The following SCN3A variants were observed in gnomAD, a reference collection of about 807,000 sequenced individuals.
SCN3A encodes the protein sodium voltage-gated channel alpha subunit 3, also known as sodium channel protein type 3 subunit alpha.
SCN3A carries 60 observed loss-of-function variants against 187.6 expected under a neutral mutation model. The ratio of observed to expected loss-of-function variants is 0.32; its 90% confidence interval spans 0.26 to 0.40. SCN3A has a LOEUF of 0.40. Ranked by LOEUF, SCN3A falls within the 10% of genes least tolerant of loss-of-function variation. The pLI is 1.00. For synonymous variants in SCN3A, 788 were observed against 829.2 expected (o/e 0.95, Z 0.85); for missense variants, 1,601 against 2,428.2 (o/e 0.66, Z 7.16).
intron 18 of SCN3A, among the ~76,000 whole-genome samples, chr2:165,126,600 GTTCC>G (rs59251454): frequency 2.3e-5 from 2 of 86,692 alleles, no homozygotes; most frequent in Non-Finnish European, 4.3e-5. Context: ...CCCTCCCTTC[GTTCC>G]TTCCTTCCTT....
At chr2:165,121,867 C>T (rs572423401) in intron 18 of SCN3A, among the ~76,000 whole-genome samples, 3 of 152,282 alleles carry the variant, frequency 2.0e-5, no homozygotes, top group East Asian at 3.9e-4. Context: ...TCCCTTTACT[C>T]CTCACAAAAC....
chr2:165,149,005 C>A (rs1219818794), intron 11 of SCN3A, among the ~76,000 whole-genome samples: 1 of 151,600 alleles, frequency 6.6e-6, no homozygotes, highest in East Asian at 1.9e-4. Context: ...ATATATATAC[C>A]CTTTCTTATC....
chr2:165,094,820 C>CT (rs1685286359), intron 25 of SCN3A, among the ~76,000 whole-genome samples: 2 of 152,258 alleles, frequency 1.3e-5, no homozygotes, highest in South Asian at 4.1e-4. Flanking sequence ...GTTTTTAACA[C>CT]TTTCTGTGTG....
chr2:165,094,198 G>GAATGTGGT (rs2105634937), intron 26 of SCN3A, 176 bp downstream of exon 26: 1 of 651,252 alleles, frequency 1.5e-6, no homozygotes, highest in Non-Finnish European at 2.8e-6. Context: ...CCTTTTTTTG[G>GAATGTGGT]AATGTGGTAA....
At chr2:165,154,768 A>G (rs1345323310) in intron 10 of SCN3A, 110 bp from the exon 11 acceptor site, 2 of 1,097,702 alleles carry the variant, frequency 1.8e-6, no homozygotes, top group Non-Finnish European at 2.7e-6. Context: ...TTTAGTATCC[A>G]GTTTATTTTC....
intron 5 of SCN3A, among the ~76,000 whole-genome samples, chr2:165,167,950 T>G (rs1050833020): frequency 5.9e-5 from 9 of 152,144 alleles, no homozygotes; most frequent in African/African-American, 1.9e-4. Flanking sequence ...CATTTTATTT[T>G]GATGAAATCA....
At chr2:165,197,332 A>G (rs373068045) in intron 1 of SCN3A, among the ~76,000 whole-genome samples, 2 of 152,074 alleles carry the variant, frequency 1.3e-5, no homozygotes, top group Non-Finnish European at 2.9e-5. Flanking sequence ...TCTCTAGTCA[A>G]TTGGTTTTCA....
At chr2:165,133,315 A>G (rs993416330) in intron 15 of SCN3A, among the ~76,000 whole-genome samples, 2 of 152,120 alleles carry the variant, frequency 1.3e-5, no homozygotes, top group African/African-American at 2.4e-5. Context: ...TCATGCTGCT[A>G]TAAAGACACA....
intron 10 of SCN3A, 21 bp from the exon 11 acceptor site, chr2:165,154,679 T>A (rs1224831806): frequency 5.0e-6 from 8 of 1,594,402 alleles, no homozygotes; most frequent in Non-Finnish European, 6.0e-6. Flanking sequence ...TGGGGGATAA[T>A]TCCATCAGTA....
rs558407270 is a variant in SCN3A at position 165,156,512 on chromosome 2, CAAAAAAAAAAAAAAAAAAAA to C, written c.1032-629_1032-610del. On this transcript the variant is annotated intron_variant, in intron 9 of 27. Transcript: ENST00000283254. The stretch of plus-strand genomic sequence containing the variant: ...TGGGTGACAGAGCGAGACTCTGACT[CAAAAAAAAAAAAAAAAAAAA>C]AAAAAAAAAAAAAAAAAAAAATTAA... 2.7e-3 allele frequency among the ~76,000 whole-genome samples: 173 copies of C among 63,716 alleles called. 2 individuals carry two copies. The highest frequency in any genetic ancestry group is 3.9e-3 in the Non-Finnish European group (133 of 34,298). The allele number at this position is 63,716 out of a possible 152,430, so 41.8% of individuals were successfully genotyped here.
intron 1 of SCN3A, among the ~76,000 whole-genome samples, chr2:165,202,928 T>C (rs1477587137): frequency 1.3e-5 from 2 of 152,102 alleles, no homozygotes; most frequent in Admixed American, 6.6e-5. Flanking sequence ...CAATAATTTC[T>C]TATTCTAATT....
At chr2:165,129,306 G>A (rs1687175951) in intron 17 of SCN3A, among the ~76,000 whole-genome samples, 1 of 152,204 alleles carries the variant, frequency 6.6e-6, no homozygotes, top group African/African-American at 2.4e-5. Context: ...TAACTCCTTT[G>A]AGTCTGGACA....
intron 18 of SCN3A, among the ~76,000 whole-genome samples, chr2:165,123,889 C>G (rs1686837082): frequency 6.6e-6 from 1 of 152,016 alleles, no homozygotes; most frequent in Non-Finnish European, 1.5e-5. Flanking sequence ...TGTGTGTGAG[C>G]ATATATGAGA....
intron 18 of SCN3A, among the ~76,000 whole-genome samples, chr2:165,117,821 C>A (rs201589848): frequency 1.3e-5 from 2 of 152,034 alleles, no homozygotes; most frequent in East Asian, 1.9e-4. Flanking sequence ...TACATGTATA[C>A]ACACACAGGT....
chr2:165,171,123 G>A (rs1050961387), intron 3 of SCN3A, among the ~76,000 whole-genome samples: 1 of 151,894 alleles, frequency 6.6e-6, no homozygotes, highest in African/African-American at 2.4e-5. Flanking sequence ...ATTTCAAAGG[G>A]CATTCCACAA....
chr2:165,131,472 A>G, intron 15 of SCN3A, 55 bp from the exon 16 acceptor site: 1 of 1,250,902 alleles, frequency 8.0e-7, no homozygotes, highest in Non-Finnish European at 1.1e-6. Flanking sequence ...CTGATGCTAC[A>G]CGAATTTATA....
At chr2:165,168,157 A>G (rs572533272) in intron 5 of SCN3A, among the ~76,000 whole-genome samples, 56 of 152,148 alleles carry the variant, frequency 3.7e-4, no homozygotes, top group African/African-American at 1.3e-3. Flanking sequence ...CTCTCCCCCA[A>G]TCATGTTTCC....
intron 1 of SCN3A, among the ~76,000 whole-genome samples, chr2:165,200,217 G>A (rs1257346961): frequency 2.0e-5 from 3 of 152,064 alleles, no homozygotes; most frequent in African/African-American, 7.2e-5. Context: ...ATATTTCACT[G>A]GTAGGTGGGT....
At position 165,137,986 on chromosome 2, in the gene SCN3A, C is replaced by T; in HGVS notation, c.2284G>A (p.Val762Ile). ...ATGCAAATAGTGATGGCAAGATCAA[C>T]AAATGGATCCATAACAATTAAATTC... ...LVNLIVMDPF[V>I]DLAITICIVL... Residue 762 changes from valine (V) to isoleucine (I), a missense_variant, in exon 15 of 28, where the codon GTT (valine) becomes ATT (isoleucine). Around this residue, in one of 11 missense-constraint regions of SCN3A, gnomAD observed 376 missense variants for 476.0 expected, o/e 0.79. Coordinates refer to ENST00000283254, the MANE Select transcript of SCN3A (RefSeq NM_006922.4). 1 of 1,613,516 alleles carries T rather than the reference C, an allele frequency of 6.2e-7. No homozygotes were observed. Among genetic ancestry groups the T allele is most frequent in the East Asian group, 2.2e-5 (1 of 44,846 alleles).
Sources: allele counts gnomAD v4.1 joint callset (sites outside exome capture counted in the v4.1 genomes callset), GRCh38; gene constraint gnomAD v4.1.1; regional missense constraint gnomAD v4.1.1; transcripts MANE v1.5; gene names NCBI Gene and HGNC (gene_info 2026-07-23, HGNC 2026-07-21).